Variants in PAPOLA observed in about 807,000 individuals in gnomAD.
PAPOLA encodes the protein poly(A) polymerase alpha, also known as polynucleotide adenylyltransferase alpha.
PAPOLA carries 15 observed loss-of-function variants against 100.6 expected under a neutral mutation model. The observed-to-expected ratio is 0.15, with a 90% CI of 0.10 to 0.23. The LOEUF (loss-of-function observed/expected upper bound fraction) is 0.23, where lower values mean the gene tolerates loss of function less well. PAPOLA is among the 10% of genes least tolerant of loss of function. PAPOLA has a pLI of 1.00. For synonymous variants in PAPOLA, 293 were observed against 300.0 expected, an observed-to-expected ratio of 0.98 and a Z score of 0.24; for missense variants, 533 against 884.2, an observed-to-expected ratio of 0.60 and a Z score of 5.04.
At chr14:96,559,549 A>ACC (rs1901637600) in intron 19 of PAPOLA, among the ~76,000 whole-genome samples, 1 of 76,234 alleles carries the variant, frequency 1.3e-5, no homozygotes, top group Admixed American at 1.2e-4. Context: ...AGCTAAATTA[A>ACC]CCTCTCTCTC....
chr14:96,550,818 CAA>C (rs1465995839), intron 16 of PAPOLA, among the ~76,000 whole-genome samples: 1 of 152,184 alleles, frequency 6.6e-6, no homozygotes, highest in African/African-American at 2.4e-5. Flanking sequence ...GTCTAGGAGT[CAA>C]GATCTATGAA....
intron 1 of PAPOLA, among the ~76,000 whole-genome samples, chr14:96,519,505 G>A (rs72706847): frequency 7.9e-4 from 121 of 152,232 alleles, no homozygotes; most frequent in Non-Finnish European, 1.3e-3. Context: ...TTTTAGACTA[G>A]CATCATTATC....
intron 20 of PAPOLA, among the ~76,000 whole-genome samples, chr14:96,561,304 T>A (rs1432292399): frequency 6.6e-6 from 1 of 152,158 alleles, no homozygotes; most frequent in Non-Finnish European, 1.5e-5. Context: ...TATTGAAGGC[T>A]TTTAACTTTC....
At position 96,565,264 on chromosome 14, in the gene PAPOLA, G is replaced by C. The variant is rs913138605; in HGVS notation, c.*214G>C. 2.8e-5 allele frequency: 12 copies of C among 421,852 alleles called. No homozygotes were observed. The highest frequency in any genetic ancestry group is 2.0e-4 in the South Asian group (3 of 15,158). 26.1% of individuals were successfully genotyped at this position (421,852 alleles called of 1,614,324 possible). ...TATTATTATTGTGTTAGCAACAGTT[G>C]CATTAACTATTTCAAAAATTACTGC... On this transcript the variant is annotated 3_prime_UTR_variant, in exon 22 of 22. Transcript: ENST00000216277.
chr14:96,564,379 T>C (rs1902114805), intron 21 of PAPOLA, among the ~76,000 whole-genome samples: 1 of 152,122 alleles, frequency 6.6e-6, no homozygotes, highest in Admixed American at 6.5e-5. Context: ...AATAAAACTT[T>C]TAAAGATCCA....
chr14:96,546,465 A>T (rs560701213), intron 15 of PAPOLA, among the ~76,000 whole-genome samples: 43 of 152,248 alleles, frequency 2.8e-4, no homozygotes, highest in Middle Eastern at 6.8e-3. Context: ...CCAAGTCTTT[A>T]CTGTGGTTTG....
intron 16 of PAPOLA, among the ~76,000 whole-genome samples, chr14:96,551,575 T>C (rs1900851896): frequency 1.3e-5 from 2 of 152,174 alleles, no homozygotes; most frequent in African/African-American, 4.8e-5. Flanking sequence ...GGCACATGTA[T>C]AAGGAATGTA....
intron 1 of PAPOLA, among the ~76,000 whole-genome samples, chr14:96,516,464 G>C (rs1595505034): frequency 2.0e-5 from 3 of 148,628 alleles, no homozygotes; most frequent in Admixed American, 1.4e-4. Context: ...TCAGCCTCCT[G>C]AGTAGCTAGG....
chr14:96,521,661 T>A (rs1291601016), intron 3 of PAPOLA, among the ~76,000 whole-genome samples: 1 of 152,096 alleles, frequency 6.6e-6, no homozygotes, highest in Non-Finnish European at 1.5e-5. Context: ...TGGCTAATGG[T>A]ATATGTGGAG....
At chr14:96,556,997 C>T (rs1901394797) in intron 19 of PAPOLA, among the ~76,000 whole-genome samples, 1 of 152,060 alleles carries the variant, frequency 6.6e-6, no homozygotes, top group African/African-American at 2.4e-5. Flanking sequence ...GATCCTTCTG[C>T]CTCCCAGGTA....
chr14:96,556,296 A>C lies in PAPOLA; in HGVS notation c.1887A>C (p.Ser629=). ...TRLVNPPPRS[S]GNAATSGNAA... Reference sequence around the variant, plus strand: ...TGGTAAACCCACCACCTAGATCTTCAGGAAATGCAGCAACTTCAGGAAATG... The same window carrying C: ...TGGTAAACCCACCACCTAGATCTTCCGGAAATGCAGCAACTTCAGGAAATG... The change falls in exon 19 of 22, where the codon TCA becomes TCC. Residue 629 remains serine (S), a synonymous_variant. Transcript: ENST00000216277. 2 of 1,614,064 alleles carry C rather than the reference A, an allele frequency of 1.2e-6. No individual in the cohort carries two copies.
chr14:96,563,695 C>T (rs1902053306), intron 21 of PAPOLA, among the ~76,000 whole-genome samples: 1 of 152,106 alleles, frequency 6.6e-6, no homozygotes, highest in Non-Finnish European at 1.5e-5. Context: ...TGTGCTTTTG[C>T]TAGATGTTAA....
intron 4 of PAPOLA, 51 bp downstream of exon 4, chr14:96,525,442 T>G (rs377701310): frequency 1.1e-5 from 8 of 741,034 alleles, no homozygotes; most frequent in Non-Finnish European, 1.8e-5. Flanking sequence ...TTCTTAAAAA[T>G]TATGACATAC....
intron 1 of PAPOLA, among the ~76,000 whole-genome samples, chr14:96,509,554 A>G (rs974655810): frequency 2.6e-5 from 4 of 152,334 alleles, no homozygotes; most frequent in Non-Finnish European, 2.9e-5. Context: ...TTCTGTAAAA[A>G]TGTGTTATTT....
intron 19 of PAPOLA, among the ~76,000 whole-genome samples, chr14:96,556,793 G>A (rs1306791862): frequency 1.3e-5 from 2 of 152,150 alleles, no homozygotes; most frequent in Non-Finnish European, 2.9e-5. Context: ...TGATCCAAAA[G>A]GAGTTTTGGA....
intron 4 of PAPOLA, 55 bp from the exon 5 acceptor site, chr14:96,527,375 C>G (rs946179619): frequency 9.6e-7 from 1 of 1,046,674 alleles, no homozygotes; most frequent in East Asian, 2.4e-5. Flanking sequence ...TGATAGGATG[C>G]AAAATAATTT....
At chr14:96,530,397 T>C (rs73351200) in intron 6 of PAPOLA, among the ~76,000 whole-genome samples, 11,144 of 151,330 alleles carry the variant, frequency 0.074, 955 homozygotes, top group African/African-American at 0.21. Flanking sequence ...TTTTTTTCTT[T>C]TTTTTTTTTC....
At chr14:96,542,063 C>G (rs1900039126) in intron 12 of PAPOLA, 180 bp from the exon 13 acceptor site, 1 of 428,030 alleles carries the variant, frequency 2.3e-6, no homozygotes, top group Admixed American at 4.1e-5. Context: ...GAATTAAACT[C>G]ACTAGTAGTT....
intron 19 of PAPOLA, among the ~76,000 whole-genome samples, chr14:96,557,727 C>T (rs913443356): frequency 6.7e-5 from 10 of 150,140 alleles, no homozygotes; most frequent in Non-Finnish European, 1.5e-4. Flanking sequence ...TTAGCTTATT[C>T]TCTGAAGACT....
Sources: allele counts gnomAD v4.1 joint callset (sites outside exome capture counted in the v4.1 genomes callset), GRCh38; gene constraint gnomAD v4.1.1; transcripts MANE v1.5; gene names NCBI Gene and HGNC (gene_info 2026-07-23, HGNC 2026-07-21).